The following MAN1A2 variants were observed in gnomAD, a reference collection of about 807,000 sequenced individuals.
MAN1A2 encodes mannosyl-oligosaccharide 1,2-alpha-mannosidase IB.
A neutral mutation model predicts 75.7 loss-of-function variants in MAN1A2; 26 were observed. The observed-to-expected ratio is 0.34, with a 90% CI of 0.25 to 0.48. The LOEUF (loss-of-function observed/expected upper bound fraction) is 0.48. Ranked by LOEUF, MAN1A2 falls within the 20% of genes least tolerant of loss-of-function variation. The pLI, the probability that MAN1A2 is intolerant of heterozygous loss-of-function variation, is 0.99. For missense variants in MAN1A2, 562 were observed against 775.5 expected (o/e 0.72, Z 3.27); for synonymous variants, 247 against 264.6 (o/e 0.93, Z 0.65).
At chr1:117,480,564 A>G (rs1163258434) in intron 8 of MAN1A2, among the ~76,000 whole-genome samples, 4 of 151,802 alleles carry the variant, frequency 2.6e-5, no homozygotes, top group Admixed American at 6.6e-5. Flanking sequence ...GTCAATTCCT[A>G]TTATGTTATT....
intron 5 of MAN1A2, among the ~76,000 whole-genome samples, chr1:117,438,723 G>A (rs1027826043): frequency 2.0e-5 from 3 of 152,054 alleles, no homozygotes; most frequent in Non-Finnish European, 2.9e-5. Context: ...TACCTACAAC[G>A]TTCGATACAG....
chr1:117,514,972 T>G (rs1483506804), intron 12 of MAN1A2: 1 of 500,678 alleles, frequency 2.0e-6, no homozygotes, highest in Non-Finnish European at 4.1e-6. Context: ...CAATATGTAC[T>G]TATAAGTACC....
intron 1 of MAN1A2, among the ~76,000 whole-genome samples, chr1:117,378,268 G>C (rs1653220663): frequency 6.6e-6 from 1 of 152,214 alleles, no homozygotes. Flanking sequence ...TTCCTATACT[G>C]AGTTGGACAT....
At chr1:117,492,193 C>T (rs1319088402) in intron 8 of MAN1A2, among the ~76,000 whole-genome samples, 2 of 152,016 alleles carry the variant, frequency 1.3e-5, no homozygotes, top group African/African-American at 4.8e-5. Context: ...ATCTTTCGTC[C>T]TGCAGAGAAA....
intron 5 of MAN1A2, among the ~76,000 whole-genome samples, chr1:117,439,850 A>T (rs1648973235): frequency 6.6e-6 from 1 of 152,204 alleles, no homozygotes; most frequent in Admixed American, 6.5e-5. Flanking sequence ...ATCATGAAAA[A>T]GCCACTCATA....
At chr1:117,407,471 T>C (rs1180115960) in intron 3 of MAN1A2, among the ~76,000 whole-genome samples, 1 of 152,236 alleles carries the variant, frequency 6.6e-6, no homozygotes, top group Non-Finnish European at 1.5e-5. Context: ...ATCTCAAATT[T>C]AGTATGCCTT....
At chr1:117,492,660 T>C (rs2101873100) in intron 8 of MAN1A2, among the ~76,000 whole-genome samples, 1 of 152,198 alleles carries the variant, frequency 6.6e-6, no homozygotes, top group South Asian at 2.1e-4. Flanking sequence ...ATTCTTGGGC[T>C]TTTTTTCTTT....
rs377125557 is a variant in MAN1A2, at chr1:117,378,632, CA to C, written c.302+10148del. 4.2e-4 allele frequency among the ~76,000 whole-genome samples: 42 copies of C among 99,584 alleles called. 1 individual carries two copies. In the East Asian group the frequency reaches 7.2e-3, roughly 17 times the overall value. 65.3% of individuals were successfully genotyped at this position (99,584 alleles called of 152,430 possible). ...TTACTGGGTTGTAGGGTATGTGTAT[CA>C]TTGACTCTAAATTTTTTTGTTTACA... On this transcript the variant is annotated intron_variant, in intron 1 of 12. Transcript: ENST00000356554.
intron 8 of MAN1A2, among the ~76,000 whole-genome samples, chr1:117,491,309 CA>C (rs1650876960): frequency 6.6e-6 from 1 of 151,984 alleles, no homozygotes. Flanking sequence ...AGTCAGTGCT[CA>C]TTTACCATTC....
intron 5 of MAN1A2, among the ~76,000 whole-genome samples, chr1:117,427,824 T>G (rs1051901822): frequency 3.9e-5 from 6 of 152,228 alleles, no homozygotes; most frequent in African/African-American, 1.4e-4. Context: ...AAAATTTCTT[T>G]AAAATTATGT....
At chr1:117,464,071 G>C (rs1202795325) in intron 7 of MAN1A2, among the ~76,000 whole-genome samples, 2 of 152,056 alleles carry the variant, frequency 1.3e-5, no homozygotes, top group Admixed American at 1.3e-4. Context: ...AAAGCTGCAA[G>C]AAGAAGAAAC....
intron 5 of MAN1A2, among the ~76,000 whole-genome samples, chr1:117,439,557 G>T (rs931714485): frequency 2.3e-4 from 35 of 151,722 alleles, no homozygotes; most frequent in Non-Finnish European, 4.4e-5. Flanking sequence ...GCAGTGGCGT[G>T]ATCTCGGTTC....
At chr1:117,381,604 G>A (rs1055680827) in intron 1 of MAN1A2, among the ~76,000 whole-genome samples, 1 of 152,066 alleles carries the variant, frequency 6.6e-6, no homozygotes, top group African/African-American at 2.4e-5. Context: ...ATTTGGGTTG[G>A]TTCCAAGTCT....
At chr1:117,419,698 A>T (rs1005234371) in intron 4 of MAN1A2, among the ~76,000 whole-genome samples, 1 of 151,868 alleles carries the variant, frequency 6.6e-6, no homozygotes, top group Non-Finnish European at 1.5e-5. Flanking sequence ...TTTTCTTTCC[A>T]TGTGTTAGAA....
intron 5 of MAN1A2, among the ~76,000 whole-genome samples, chr1:117,441,535 C>T (rs972739128): frequency 2.0e-5 from 3 of 152,002 alleles, no homozygotes; most frequent in African/African-American, 7.2e-5. Flanking sequence ...TCTAAAGTTA[C>T]GTACACACAC....
chr1:117,502,445 G>A (rs1651231168), intron 11 of MAN1A2, among the ~76,000 whole-genome samples: 1 of 151,598 alleles, frequency 6.6e-6, no homozygotes, highest in Non-Finnish European at 1.5e-5. Context: ...TTTTTAGCAT[G>A]TTGTGGGTTA....
At chr1:117,391,679 G>A (rs886533602) in intron 1 of MAN1A2, among the ~76,000 whole-genome samples, 1 of 152,168 alleles carries the variant, frequency 6.6e-6, no homozygotes, top group African/African-American at 2.4e-5. Context: ...TACATAGGAT[G>A]ATGATTTCCA....
intron 5 of MAN1A2, among the ~76,000 whole-genome samples, chr1:117,422,153 A>G (rs537295709): frequency 1.3e-5 from 2 of 152,246 alleles, no homozygotes; most frequent in East Asian, 1.9e-4. Flanking sequence ...CATGATCAAG[A>G]TACAGAATTT....
chr1:117,513,367 T>A (rs1327288845), intron 12 of MAN1A2, among the ~76,000 whole-genome samples: 1 of 152,176 alleles, frequency 6.6e-6, no homozygotes, highest in East Asian at 1.9e-4. Flanking sequence ...TTGGTTTTTT[T>A]TACATAATAT....
Sources: allele counts gnomAD v4.1 joint callset (sites outside exome capture counted in the v4.1 genomes callset), GRCh38; gene constraint gnomAD v4.1.1; transcripts MANE v1.5; gene names NCBI Gene and HGNC (gene_info 2026-07-23, HGNC 2026-07-21).